Variants in ZNF345 observed in about 807,000 individuals in gnomAD.
The protein encoded by ZNF345 is zinc finger protein HZF10.
For synonymous variants in ZNF345, 166 were observed against 187.9 expected (o/e 0.88, Z 0.95); for missense variants, 527 against 589.9 (o/e 0.89, Z 1.10).
intron 2 of ZNF345, among the ~76,000 whole-genome samples, chr19:36,873,761 G>T (rs2112140): frequency 1.3e-5 from 2 of 150,258 alleles, no homozygotes; most frequent in Non-Finnish European, 2.9e-5. Flanking sequence ...CTTATTTCAC[G>T]TAGCATAACG....
chr19:36,871,774 T>C (rs1165266819), intron 2 of ZNF345, among the ~76,000 whole-genome samples: 1 of 152,100 alleles, frequency 6.6e-6, no homozygotes, highest in African/African-American at 2.4e-5. Context: ...TTGAATTTTT[T>C]TGGTTTTTTT....
In ZNF345 at chr19:36,850,894, T is replaced by C. The variant is rs1407532187; in HGVS notation, c.-196T>C. Reference sequence around the variant, plus strand: ...TTCCCGCGGATTTGGGCAAGCGGCCTTGGGGCTTTGTGAGATAGCTAGGGT... The same window carrying C: ...TTCCCGCGGATTTGGGCAAGCGGCCCTGGGGCTTTGTGAGATAGCTAGGGT... On this transcript the variant is annotated 5_prime_UTR_variant, in exon 1 of 3. Coordinates refer to ENST00000420450, the MANE Select transcript of ZNF345 (RefSeq NM_001242472.2). The C allele has an allele frequency of 6.6e-6, 1 of 152,402 alleles. No individual in the cohort carries two copies. Among genetic ancestry groups the C allele is most frequent in the South Asian group, 2.1e-4 (1 of 4,842 alleles). The allele number at this position is 152,402 out of a possible 1,614,324, so 9.4% of individuals were successfully genotyped here. A position where few individuals can be genotyped will look rare whatever the true frequency, so the allele number is the denominator to read the frequency against.
intron 3 of ZNF345, chr19:36,891,478 T>C: frequency 6.6e-7 from 1 of 1,524,462 alleles, no homozygotes; most frequent in Non-Finnish European, 8.8e-7. Context: ...AAAATGGTCT[T>C]ACTTTACTGT....
chr19:36,860,134 T>C (rs1307221186), intron 2 of ZNF345, among the ~76,000 whole-genome samples: 2 of 152,114 alleles, frequency 1.3e-5, no homozygotes, highest in African/African-American at 2.4e-5. Flanking sequence ...ATTTTTTGTA[T>C]TTTTAGTAGA....
At chr19:36,886,186 G>A (rs2072995030) in intron 3 of ZNF345, among the ~76,000 whole-genome samples, 1 of 152,182 alleles carries the variant, frequency 6.6e-6, no homozygotes, top group Non-Finnish European at 1.5e-5. Flanking sequence ...TAAATCTCCA[G>A]TACAGAATTC....
intron 2 of ZNF345, among the ~76,000 whole-genome samples, chr19:36,868,342 T>C (rs539107724): frequency 6.6e-6 from 1 of 152,260 alleles, no homozygotes; most frequent in Non-Finnish European, 1.5e-5. Context: ...TATCCAGTTG[T>C]CTCAATACCA....
intron 1 of ZNF345, chr19:36,851,303 G>C (rs2072258235): frequency 1.3e-5 from 2 of 151,988 alleles, no homozygotes; most frequent in Admixed American, 1.3e-4. Context: ...TTAATTTTGA[G>C]GTTTGTGGCT....
chr19:36,854,994 C>T (rs826264), intron 2 of ZNF345, among the ~76,000 whole-genome samples: 1 of 149,708 alleles, frequency 6.7e-6, no homozygotes, highest in Non-Finnish European at 1.5e-5. Flanking sequence ...TGAGACTACA[C>T]GCACCCGCCA....
chr19:36,892,945 GC>G lies in ZNF345; in HGVS notation c.176del (p.Pro59GlnfsTer?). 1 of 698,014 alleles carries G rather than the reference GC, an allele frequency of 1.4e-6. No homozygotes were observed. Among genetic ancestry groups the G allele is most frequent in the Non-Finnish European group, 2.0e-6 (1 of 493,280 alleles). 43.2% of individuals were successfully genotyped at this position (698,014 alleles called of 1,614,324 possible). On this transcript the variant is annotated frameshift_variant, in exon 4 of 4. Coordinates refer to the ZNF345 transcript ENST00000526123. LOFTEE classifies it high-confidence loss of function. ...GCTGGAGGGCCATGGAGGAGGACAG[GC>G]CAGCAGGATGCCGCTTCTGCTCCAG...
At chr19:36,890,710 G>T (rs950066565) in intron 3 of ZNF345, 1 of 147,686 alleles carries the variant, frequency 6.8e-6, no homozygotes, top group African/African-American at 2.5e-5. Flanking sequence ...AAAAAAATTA[G>T]CCGGGCATGG....
chr19:36,881,827 A>G (rs2072970076), downstream of ZNF345, among the ~76,000 whole-genome samples: 1 of 152,308 alleles, frequency 6.6e-6, no homozygotes, highest in East Asian at 1.9e-4. Flanking sequence ...TTTCAGAGAC[A>G]TTAAAATGCG....
In ZNF345 at chr19:36,878,176, C is replaced by T; in HGVS notation, c.1346C>T (p.Thr449Ile). 1 of 1,614,118 alleles carries T rather than the reference C, an allele frequency of 6.2e-7. No individual in the cohort carries two copies. The highest frequency in any genetic ancestry group is 2.2e-5 in the East Asian group (1 of 44,872). The change falls in exon 3 of 3, where the codon ACA (threonine) becomes ATA (isoleucine). Residue 449 changes from threonine (T) to isoleucine (I), a missense_variant. Coordinates refer to ENST00000420450, the MANE Select transcript of ZNF345 (RefSeq NM_001242472.2). ...SSLTQHQRIHTGEKLYECKNC... is the reference protein window; with the variant it reads ...SSLTQHQRIHIGEKLYECKNC... ...CTTACTCAGCATCAGAGAATTCATACAGGTGAGAAACTTTATGAATGTAAG... is the reference window on the plus strand; with the variant it reads ...CTTACTCAGCATCAGAGAATTCATATAGGTGAGAAACTTTATGAATGTAAG...
rs759029864 is a variant in ZNF345, at chr19:36,877,819, T to C, written c.989T>C (p.Ile330Thr). The change falls in exon 3 of 3, where the codon ATT (isoleucine) becomes ACT (threonine). Residue 330 changes from isoleucine to threonine, a missense_variant. Coordinates refer to ENST00000420450, the MANE Select transcript of ZNF345 (RefSeq NM_001242472.2). ...EKAFRSGSKLIQHQRMHTGEK... is the reference protein window; with the variant it reads ...EKAFRSGSKLTQHQRMHTGEK... ...GCCTTTAGAAGTGGTTCAAAACTTA[T>C]TCAGCATCAAAGAATGCATACTGGA... 19 of 1,612,422 alleles carry C rather than the reference T, an allele frequency of 1.2e-5. No homozygotes were observed. The highest frequency in any genetic ancestry group is 5.4e-5 in the African/African-American group (4 of 74,360).
Position 36,871,777 on chromosome 19 carries a change from G to GT in ZNF345, c.-46-5001dup, listed in dbSNP as rs566122618. Among the ~76,000 whole-genome samples, 335 of 151,676 alleles carry GT rather than the reference G, an allele frequency of 2.2e-3. 1 individual carries two copies. The highest frequency in any genetic ancestry group is 7.8e-3 in the African/African-American group (321 of 41,406). ...TTTTATATGACTTTGAATTTTTTTG[G>GT]TTTTTTTGAGATGGAGTTTCACTCT... On this transcript the variant is annotated intron_variant, in intron 2 of 2. Coordinates refer to ENST00000420450, the MANE Select transcript of ZNF345 (RefSeq NM_001242472.2).
chr19:36,857,639 G>A (rs1339421911), intron 2 of ZNF345, among the ~76,000 whole-genome samples: 4 of 151,856 alleles, frequency 2.6e-5, no homozygotes, highest in Non-Finnish European at 5.9e-5. Context: ...ATTTCATATT[G>A]GCTTGATCAC....
rs540033313 is a variant in ZNF345, at chr19:36,865,994, G to A, written c.-46-10791G>A. ...GATTTTTCAGTGTTGAAGCAACCTT[G>A]TATTCCTTGGATAAAATCAACTTAT... On this transcript the variant is annotated intron_variant, in intron 2 of 2. Coordinates refer to ENST00000420450, the MANE Select transcript of ZNF345 (RefSeq NM_001242472.2). 3.9e-5 allele frequency among the ~76,000 whole-genome samples: 6 copies of A among 152,192 alleles called. 1 individual carries two copies. The South Asian group carries it at 1.2e-3, about 32-fold the overall frequency.
At chr19:36,862,642 C>T (rs965604387) in intron 2 of ZNF345, among the ~76,000 whole-genome samples, 6 of 126,864 alleles carry the variant, frequency 4.7e-5, no homozygotes, top group African/African-American at 6.2e-5. Context: ...CCAACCTGGG[C>T]GACAGAGTGA....
chr19:36,853,719 A>G (rs2072340572), intron 2 of ZNF345, among the ~76,000 whole-genome samples: 1 of 152,214 alleles, frequency 6.6e-6, no homozygotes. Flanking sequence ...AAAAAAATCA[A>G]GTGAACATAT....
chr19:36,859,147 T>A (rs1023123351), intron 2 of ZNF345, among the ~76,000 whole-genome samples: 1 of 151,828 alleles, frequency 6.6e-6, no homozygotes, highest in African/African-American at 2.4e-5. Flanking sequence ...TAAACTTTTT[T>A]ATGGTTTTTT....
Sources: allele counts gnomAD v4.1 joint callset (sites outside exome capture counted in the v4.1 genomes callset), GRCh38; gene constraint gnomAD v4.1.1; transcripts MANE v1.5; gene names NCBI Gene and HGNC (gene_info 2026-07-23, HGNC 2026-07-21).